Variants in CALD1 observed in about 807,000 individuals in gnomAD.
The protein encoded by CALD1 is caldesmon 1, also known as caldesmon.
In CALD1, 33 loss-of-function variants were observed where a neutral mutation model predicts 99.9. The observed-to-expected ratio is 0.33, with a 90% CI of 0.25 to 0.44. CALD1 has a LOEUF of 0.44. CALD1 is among the 20% of genes least tolerant of loss of function. CALD1 has a pLI of 1.00. For missense variants in CALD1, 861 were observed against 962.1 expected (o/e 0.89, Z 1.39); for synonymous variants, 310 against 325.0 (o/e 0.95, Z 0.50).
At chr7:134,862,039 AT>A (rs1344886289) in intron 2 of CALD1, among the ~76,000 whole-genome samples, 1 of 152,262 alleles carries the variant, frequency 6.6e-6, no homozygotes, top group Non-Finnish European at 1.5e-5. Context: ...TGAAATAAGC[AT>A]TTGGAAGGCT....
At chr7:134,837,508 AT>A (rs931567901) in intron 1 of CALD1, among the ~76,000 whole-genome samples, 7 of 151,908 alleles carry the variant, frequency 4.6e-5, no homozygotes, top group African/African-American at 1.5e-4. Flanking sequence ...ACACTGGCTA[AT>A]TTTTTTAATT....
upstream of CALD1, among the ~76,000 whole-genome samples, chr7:134,776,510 A>G (rs1585907476): frequency 6.6e-6 from 1 of 152,014 alleles, no homozygotes; most frequent in East Asian, 1.9e-4. Context: ...ACACTGTTGG[A>G]TTCAATTACT....
At chr7:134,836,637 A>C (rs1386884152) in intron 1 of CALD1, among the ~76,000 whole-genome samples, 1 of 152,122 alleles carries the variant, frequency 6.6e-6, no homozygotes, top group Admixed American at 6.5e-5. Context: ...CATTTTTCTC[A>C]GTGTCTCTCA....
intron 2 of CALD1, among the ~76,000 whole-genome samples, chr7:134,850,923 T>G (rs1040348852): frequency 6.6e-6 from 1 of 152,104 alleles, no homozygotes; most frequent in Non-Finnish European, 1.5e-5. Flanking sequence ...ATAAAGGGGA[T>G]TTCCCCCACA....
Position 134,874,181 on chromosome 7 carries a change from C to CT in CALD1, c.71+6386dup, listed in dbSNP as rs571610382. Among the ~76,000 whole-genome samples, 40 of 150,466 alleles carry CT rather than the reference C, an allele frequency of 2.7e-4. No individual in the cohort carries two copies. In the South Asian group the frequency reaches 4.8e-3, roughly 18 times the overall value. ...GTGTATTTTCTTTTTTTCTTTTTTT[C>CT]TTTTTTTTTGTTTTCATTTTTGTTT... On this transcript the variant is annotated intron_variant, in intron 3 of 14. Transcript: ENST00000361675.
upstream of CALD1, among the ~76,000 whole-genome samples, chr7:134,743,014 C>A (rs1469416131): frequency 2.6e-5 from 4 of 152,148 alleles, no homozygotes; most frequent in Admixed American, 1.3e-4. Context: ...TTTACAGCAG[C>A]CTTTTAAAGT....
At chr7:134,793,485 G>A (rs544568615) in intron 1 of CALD1, among the ~76,000 whole-genome samples, 17 of 152,192 alleles carry the variant, frequency 1.1e-4, no homozygotes, top group South Asian at 4.1e-4. Context: ...CATTTTCCAT[G>A]TTCTATTTTT....
chr7:134,935,430 G>A (rs1002053362), intron 5 of CALD1, among the ~76,000 whole-genome samples: 18 of 152,226 alleles, frequency 1.2e-4, no homozygotes, highest in African/African-American at 4.1e-4. Context: ...AACCACACAC[G>A]AGGTTTGTAA....
chr7:134,847,588 G>A (rs17168095), intron 2 of CALD1, among the ~76,000 whole-genome samples: 11,794 of 152,222 alleles, frequency 0.077, 1,414 homozygotes, highest in African/African-American at 0.26. Context: ...GACTCCCAGC[G>A]TTCTGGAAAC....
At chr7:134,870,243 A>G (rs1801004987) in intron 3 of CALD1, among the ~76,000 whole-genome samples, 1 of 152,138 alleles carries the variant, frequency 6.6e-6, no homozygotes, top group Non-Finnish European at 1.5e-5. Context: ...GACCTGATAG[A>G]GTTGTGGCTA....
intron 1 of CALD1, among the ~76,000 whole-genome samples, chr7:134,793,250 C>A (rs1699821052): frequency 1.3e-5 from 2 of 152,238 alleles, no homozygotes; most frequent in Admixed American, 1.3e-4. Flanking sequence ...CCTTTTCCGT[C>A]ATTTTTATAT....
At chr7:134,804,402 G>A (rs543725086) in intron 1 of CALD1, among the ~76,000 whole-genome samples, 18 of 152,294 alleles carry the variant, frequency 1.2e-4, no homozygotes, top group Admixed American at 7.8e-4. Flanking sequence ...AAACACATCA[G>A]GTAATTTGTC....
intron 1 of CALD1, among the ~76,000 whole-genome samples, chr7:134,748,795 G>A (rs941594256): frequency 6.8e-6 from 1 of 146,720 alleles, no homozygotes; most frequent in Non-Finnish European, 1.5e-5. Flanking sequence ...CTGAATGTTT[G>A]TTTCTCCTCC....
intron 3 of CALD1, among the ~76,000 whole-genome samples, chr7:134,882,662 A>G (rs1175746401): frequency 6.6e-6 from 1 of 152,234 alleles, no homozygotes; most frequent in East Asian, 1.9e-4. Context: ...AGTTAATCCC[A>G]GAAGAATGGG....
intron 13 of CALD1, 42 bp downstream of exon 13, chr7:134,960,670 G>C: frequency 8.2e-7 from 1 of 1,221,424 alleles, no homozygotes. Context: ...TGATCTCCCA[G>C]CTTCTACCAG....
At chr7:134,928,068 T>G (rs931342211) in intron 3 of CALD1, 5 of 319,328 alleles carry the variant, frequency 1.6e-5, no homozygotes, top group Non-Finnish European at 2.6e-5. Flanking sequence ...AAATAACTCA[T>G]GCAACATGCT....
intron 3 of CALD1, among the ~76,000 whole-genome samples, chr7:134,897,022 A>G (rs1802621671): frequency 6.6e-6 from 1 of 152,234 alleles, no homozygotes. Context: ...TTTACAATGA[A>G]GGTCTTGGAA....
intron 3 of CALD1, among the ~76,000 whole-genome samples, chr7:134,923,397 T>A (rs1024085185): frequency 1.6e-4 from 24 of 152,220 alleles, no homozygotes; most frequent in African/African-American, 5.8e-4. Flanking sequence ...TAAACTCTAT[T>A]AAACAAAATT....
At chr7:134,781,109 C>G (rs1209672297) in intron 1 of CALD1, among the ~76,000 whole-genome samples, 1 of 152,198 alleles carries the variant, frequency 6.6e-6, no homozygotes, top group African/African-American at 2.4e-5. Flanking sequence ...TTCCCTGGAA[C>G]AGTTCTGAGT....
Sources: allele counts gnomAD v4.1 joint callset (sites outside exome capture counted in the v4.1 genomes callset), GRCh38; gene constraint gnomAD v4.1.1; transcripts MANE v1.5; gene names NCBI Gene and HGNC (gene_info 2026-07-23, HGNC 2026-07-21).